GRM1: variants seen among roughly 807,000 people sequenced by gnomAD.
The protein encoded by GRM1 is metabotropic glutamate receptor 1.
In GRM1, 33 loss-of-function variants were observed where a neutral mutation model predicts 90.9. The observed-to-expected ratio is 0.36, with a 90% CI of 0.28 to 0.49. GRM1 has a LOEUF of 0.49. GRM1 is among the 20% of genes least tolerant of loss of function. The pLI is 0.99. For synonymous variants in GRM1, 700 were observed against 613.2 expected, an observed-to-expected ratio of 1.14 and a Z score of -2.09; for missense variants, 1,190 against 1,534.3, an observed-to-expected ratio of 0.78 and a Z score of 3.75.
chr6:146,196,969 T>C (rs1254909125), intron 2 of GRM1, among the ~76,000 whole-genome samples: 2 of 152,160 alleles, frequency 1.3e-5, no homozygotes, highest in Non-Finnish European at 2.9e-5. Flanking sequence ...CTTGAGAAGA[T>C]TGCAGTTGGG....
chr6:146,216,649 G>A (rs559603276), intron 2 of GRM1, among the ~76,000 whole-genome samples: 64 of 152,286 alleles, frequency 4.2e-4, no homozygotes, highest in Middle Eastern at 3.4e-3. Flanking sequence ...GCAAACTGTG[G>A]CTCGAAGGGG....
intron 2 of GRM1, among the ~76,000 whole-genome samples, chr6:146,297,139 G>A (rs1783203848): frequency 6.6e-6 from 1 of 151,836 alleles, no homozygotes; most frequent in South Asian, 2.1e-4. Context: ...TAACTTAGTT[G>A]ACTACATTGT....
chr6:146,389,641 A>G (rs909632588), intron 6 of GRM1, among the ~76,000 whole-genome samples: 1 of 152,136 alleles, frequency 6.6e-6, no homozygotes, highest in African/African-American at 2.4e-5. Flanking sequence ...TTAATATGCC[A>G]TGAGCTATCA....
At chr6:146,101,270 A>T (rs1460356120) in intron 1 of GRM1, among the ~76,000 whole-genome samples, 3 of 152,130 alleles carry the variant, frequency 2.0e-5, no homozygotes, top group Admixed American at 6.6e-5. Context: ...ATACATTTTG[A>T]TACTGCTATA....
chr6:146,251,669 G>A (rs542497429), intron 2 of GRM1, among the ~76,000 whole-genome samples: 6 of 152,194 alleles, frequency 3.9e-5, no homozygotes, highest in African/African-American at 9.6e-5. Context: ...TGACTTGGGC[G>A]CACGGATAAG....
intron 2 of GRM1, among the ~76,000 whole-genome samples, chr6:146,192,456 A>G (rs921169591): frequency 2.0e-5 from 3 of 152,200 alleles, no homozygotes; most frequent in African/African-American, 7.2e-5. Flanking sequence ...TCATATGTCA[A>G]TTAGGCTAAG....
At chr6:146,235,706 G>GTA (rs1323391716) in intron 2 of GRM1, among the ~76,000 whole-genome samples, 7 of 131,104 alleles carry the variant, frequency 5.3e-5, no homozygotes, top group Non-Finnish European at 9.9e-5. Context: ...GTTACCGTGT[G>GTA]TGTGTGTGTG....
intron 2 of GRM1, among the ~76,000 whole-genome samples, chr6:146,242,841 C>T (rs1033787071): frequency 1.3e-5 from 2 of 152,114 alleles, no homozygotes; most frequent in Non-Finnish European, 2.9e-5. Flanking sequence ...ACATGAGAGA[C>T]TTTGTAATGA....
intron 2 of GRM1, among the ~76,000 whole-genome samples, chr6:146,276,217 G>A (rs1277291120): frequency 6.6e-6 from 1 of 152,042 alleles, no homozygotes; most frequent in Admixed American, 6.6e-5. Flanking sequence ...ACAGTGAAAA[G>A]AATATTAGAA....
At chr6:146,088,716 G>A (rs1364767703) in intron 1 of GRM1, among the ~76,000 whole-genome samples, 1 of 152,008 alleles carries the variant, frequency 6.6e-6, no homozygotes, top group African/African-American at 2.4e-5. Flanking sequence ...ACCATAAATG[G>A]GGAGAAAATC....
chr6:146,160,457 C>T (rs1411224527), intron 2 of GRM1, among the ~76,000 whole-genome samples: 3 of 152,130 alleles, frequency 2.0e-5, no homozygotes, highest in Admixed American at 1.3e-4. Flanking sequence ...GCATAAATAA[C>T]CTGCTCAGTT....
At chr6:146,257,211 G>A (rs1011266838) in intron 2 of GRM1, among the ~76,000 whole-genome samples, 2 of 151,946 alleles carry the variant, frequency 1.3e-5, no homozygotes, top group Non-Finnish European at 2.9e-5. Context: ...TGTATATATA[G>A]GCATCCTTAT....
At chr6:146,149,450 G>A (rs369759506) in intron 1 of GRM1, among the ~76,000 whole-genome samples, 5 of 152,160 alleles carry the variant, frequency 3.3e-5, no homozygotes, top group Non-Finnish European at 5.9e-5. Context: ...GTAGAAAGAC[G>A]TGGAGAATAT....
chr6:146,140,258 G>A (rs544003206), intron 1 of GRM1, among the ~76,000 whole-genome samples: 21 of 146,294 alleles, frequency 1.4e-4, no homozygotes, highest in Middle Eastern at 3.4e-3. Flanking sequence ...TTTTGTATCC[G>A]TATTATTATT....
chr6:146,131,787 T>C (rs556600234), intron 1 of GRM1, among the ~76,000 whole-genome samples: 12 of 152,150 alleles, frequency 7.9e-5, no homozygotes, highest in Non-Finnish European at 1.3e-4. Flanking sequence ...TATGCAGGCA[T>C]CAAGCAAACA....
At chr6:146,086,971 C>G (rs1311006203) in intron 1 of GRM1, among the ~76,000 whole-genome samples, 1 of 151,960 alleles carries the variant, frequency 6.6e-6, no homozygotes, top group African/African-American at 2.4e-5. Context: ...CAGATTTCCC[C>G]CCTTTAAAAA....
rs145022064 is a variant in GRM1 at position 146,364,100 on chromosome 6, G to T, written c.1602+6406G>T. 9.7e-4 allele frequency among the ~76,000 whole-genome samples: 148 copies of T among 152,284 alleles called. 1 individual carries two copies. Among genetic ancestry groups the T allele is most frequent in the African/African-American group, 3.3e-3 (136 of 41,560 alleles). On this transcript the variant is annotated intron_variant, in intron 5 of 7. Coordinates refer to ENST00000282753, the MANE Select transcript of GRM1 (RefSeq NM_001278064.2). ...CTAGGTCACATTGTAAATCATGCTG[G>T]GTTGACGATTTTATACTCAATTTTT...
intron 1 of GRM1, among the ~76,000 whole-genome samples, chr6:146,032,630 G>A (rs1790748709): frequency 6.6e-6 from 1 of 152,158 alleles, no homozygotes; most frequent in Non-Finnish European, 1.5e-5. Flanking sequence ...TATCAGGGTT[G>A]TCTCTGTCGT....
chr6:146,308,499 A>G (rs1783658251), intron 3 of GRM1, among the ~76,000 whole-genome samples: 1 of 152,230 alleles, frequency 6.6e-6, no homozygotes, highest in African/African-American at 2.4e-5. Flanking sequence ...TGTAATTGTA[A>G]GTTTAACTTA....
Sources: allele counts gnomAD v4.1 joint callset (sites outside exome capture counted in the v4.1 genomes callset), GRCh38; gene constraint gnomAD v4.1.1; transcripts MANE v1.5; gene names NCBI Gene and HGNC (gene_info 2026-07-23, HGNC 2026-07-21).